OSBPL9: variants seen among roughly 807,000 people sequenced by gnomAD.
The protein encoded by OSBPL9 is oxysterol-binding protein-related protein 9.
A neutral mutation model predicts 106.6 loss-of-function variants in OSBPL9; 40 were observed. That is an observed-to-expected ratio of 0.38 (90% CI 0.29 to 0.49). The LOEUF is 0.49. Among genes scored for constraint, OSBPL9 ranks in the 20% least tolerant of loss-of-function variants. OSBPL9 has a pLI of 0.97. For missense variants in OSBPL9, 609 were observed against 887.2 expected (o/e 0.69, Z 3.98); for synonymous variants, 269 against 295.4 (o/e 0.91, Z 0.92).
At chr1:51,778,444 T>C (rs1282501845) in intron 15 of OSBPL9, among the ~76,000 whole-genome samples, 1 of 152,188 alleles carries the variant, frequency 6.6e-6, no homozygotes, top group East Asian at 1.9e-4. Flanking sequence ...GAAAATGAGA[T>C]ACTATGCAAA....
At chr1:51,589,215 A>G (rs893717084) in intron 1 of OSBPL9, among the ~76,000 whole-genome samples, 1 of 151,892 alleles carries the variant, frequency 6.6e-6, no homozygotes, top group Non-Finnish European at 1.5e-5. Flanking sequence ...CAGCCTCCCA[A>G]GTAGCTGGGA....
intron 10 of OSBPL9, 107 bp downstream of exon 10, chr1:51,760,887 T>C: frequency 8.1e-7 from 1 of 1,237,220 alleles, no homozygotes; most frequent in Non-Finnish European, 1.1e-6. Context: ...TTCCTTGTTT[T>C]TAATAAAAGC....
intron 4 of OSBPL9, among the ~76,000 whole-genome samples, chr1:51,743,193 G>A (rs2148991908): frequency 6.6e-6 from 1 of 152,282 alleles, no homozygotes; most frequent in South Asian, 2.1e-4. Context: ...GGCCAGTTCT[G>A]GGACTGTCAT....
At chr1:51,720,857 G>A (rs1473196073) in intron 4 of OSBPL9, among the ~76,000 whole-genome samples, 1 of 147,702 alleles carries the variant, frequency 6.8e-6, no homozygotes, top group Non-Finnish European at 1.5e-5. Flanking sequence ...GAGTACAGTG[G>A]TGCAATCTCA....
At chr1:51,523,909 A>G in the OSBPL9 span, among the ~76,000 whole-genome samples, 2 of 152,196 alleles carry the variant, frequency 1.3e-5, no homozygotes, top group South Asian at 2.1e-4. Flanking sequence ...TAGAAAGTTG[A>G]GAAATGTGAA....
the OSBPL9 span, among the ~76,000 whole-genome samples, chr1:51,552,380 A>G: frequency 6.6e-6 from 1 of 152,182 alleles, no homozygotes; most frequent in African/African-American, 2.4e-5. Flanking sequence ...AGGAACTTAT[A>G]AGATAGAGGC....
At chr1:51,581,283 G>T (rs1645220283) in intron 1 of OSBPL9, among the ~76,000 whole-genome samples, 1 of 151,918 alleles carries the variant, frequency 6.6e-6, no homozygotes, top group Admixed American at 6.6e-5. Flanking sequence ...AGAGGTTATA[G>T]GTTTTGGGGA....
intron 3 of OSBPL9, among the ~76,000 whole-genome samples, chr1:51,679,652 G>A (rs1446263116): frequency 6.6e-6 from 1 of 152,206 alleles, no homozygotes. Context: ...CCACTTGGGT[G>A]TGAATCATCC....
At chr1:51,569,141 A>T in the OSBPL9 span, among the ~76,000 whole-genome samples, 2 of 152,138 alleles carry the variant, frequency 1.3e-5, no homozygotes, top group Non-Finnish European at 2.9e-5. Context: ...TTACAGATAC[A>T]ACACTCTGGA....
chr1:51,783,541 A>G (rs1180912647), intron 17 of OSBPL9, among the ~76,000 whole-genome samples: 1 of 152,160 alleles, frequency 6.6e-6, no homozygotes, highest in Non-Finnish European at 1.5e-5. Context: ...ACCCATGGAT[A>G]TGGAGGGTCA....
chr1:51,525,926 G>A, the OSBPL9 span, among the ~76,000 whole-genome samples: 3 of 152,066 alleles, frequency 2.0e-5, no homozygotes, highest in African/African-American at 7.2e-5. Flanking sequence ...ACCTAGACCG[G>A]AGTGCAGTGG....
intron 2 of OSBPL9, among the ~76,000 whole-genome samples, chr1:51,657,217 T>A (rs1285721161): frequency 6.6e-6 from 1 of 152,192 alleles, no homozygotes; most frequent in African/African-American, 2.4e-5. Context: ...TGGGAGTTAT[T>A]TATCTTAAAC....
chr1:51,764,614 C>T (rs1445071979), intron 11 of OSBPL9, among the ~76,000 whole-genome samples: 2 of 149,498 alleles, frequency 1.3e-5, no homozygotes, highest in Admixed American at 6.7e-5. Flanking sequence ...CAAGGTCTCA[C>T]TCTGTTTACC....
At chr1:51,768,679 C>T (rs867479308) in intron 12 of OSBPL9, among the ~76,000 whole-genome samples, 3 of 152,218 alleles carry the variant, frequency 2.0e-5, no homozygotes, top group African/African-American at 7.2e-5. Flanking sequence ...TCTCTGGCTC[C>T]GTTTTGAGGG....
intron 4 of OSBPL9, among the ~76,000 whole-genome samples, chr1:51,716,989 CT>C (rs779540239): frequency 7.4e-4 from 108 of 146,346 alleles, no homozygotes; most frequent in Admixed American, 1.3e-3. Context: ...TTTATATGTC[CT>C]TTTTTTTTTT....
chr1:51,608,313 G>A (rs958044773), intron 2 of OSBPL9, among the ~76,000 whole-genome samples: 2 of 152,154 alleles, frequency 1.3e-5, no homozygotes, highest in African/African-American at 4.8e-5. Flanking sequence ...TATTTTTTGA[G>A]ACGGAGTCTC....
chr1:51,712,040 A>C (rs1660121309), intron 3 of OSBPL9, among the ~76,000 whole-genome samples: 1 of 152,040 alleles, frequency 6.6e-6, no homozygotes, highest in Non-Finnish European at 1.5e-5. Flanking sequence ...CAATCTCGGC[A>C]CTTTGGGAGG....
chr1:51,762,126 G>A (rs1188655311), intron 11 of OSBPL9, among the ~76,000 whole-genome samples, 155 bp downstream of exon 11: 4 of 152,162 alleles, frequency 2.6e-5, no homozygotes, highest in Non-Finnish European at 4.4e-5. Context: ...CATACATGAA[G>A]TGGTTAGCTT....
intron 2 of OSBPL9, among the ~76,000 whole-genome samples, chr1:51,663,295 A>AGTGTGTGTGTGTGTGT (rs10544368): frequency 2.7e-5 from 4 of 148,810 alleles, no homozygotes; most frequent in South Asian, 2.2e-4. Flanking sequence ...TATGCTGGCA[A>AGTGTGTGTGTGTGTGT]GTGTGTGTGT....
Sources: allele counts gnomAD v4.1 joint callset (sites outside exome capture counted in the v4.1 genomes callset), GRCh38; gene constraint gnomAD v4.1.1; transcripts MANE v1.5; gene names NCBI Gene and HGNC (gene_info 2026-07-23, HGNC 2026-07-21).